Variants in CACNA2D3 observed in about 807,000 individuals in gnomAD.
The protein encoded by CACNA2D3 is calcium voltage-gated channel auxiliary subunit alpha2delta 3, also known as voltage-dependent calcium channel subunit alpha-2/delta-3.
In CACNA2D3, 60 loss-of-function variants were observed where a neutral mutation model predicts 160.6. The ratio of observed to expected loss-of-function variants is 0.37; its 90% confidence interval spans 0.30 to 0.46. The LOEUF is 0.46. Ranked by LOEUF, CACNA2D3 falls within the 20% of genes least tolerant of loss-of-function variation. The pLI, the probability that CACNA2D3 is intolerant of heterozygous loss-of-function variation, is 1.00. For synonymous variants in CACNA2D3, 558 were observed against 492.9 expected (o/e 1.13, Z -1.75); for missense variants, 1,205 against 1,365.0 (o/e 0.88, Z 1.85).
chr3:54,156,628 A>G (rs1390872197), intron 2 of CACNA2D3, among the ~76,000 whole-genome samples: 1 of 152,148 alleles, frequency 6.6e-6, no homozygotes. Flanking sequence ...GGCAGAAGTG[A>G]TGATGTGTGA....
intron 3 of CACNA2D3, among the ~76,000 whole-genome samples, chr3:54,335,608 T>C (rs1382816949): frequency 6.6e-6 from 1 of 152,190 alleles, no homozygotes; most frequent in African/African-American, 2.4e-5. Context: ...TTATGACCTG[T>C]ATCTTGTGCC....
At chr3:54,137,699 A>G (rs986769366) in intron 2 of CACNA2D3, among the ~76,000 whole-genome samples, 2 of 152,160 alleles carry the variant, frequency 1.3e-5, no homozygotes, top group African/African-American at 2.4e-5. Flanking sequence ...GCAGGCTGGT[A>G]TTTTGTACTT....
intron 2 of CACNA2D3, among the ~76,000 whole-genome samples, chr3:54,188,448 CAG>C (rs1168583585): frequency 6.6e-6 from 1 of 152,182 alleles, no homozygotes; most frequent in South Asian, 2.1e-4. Flanking sequence ...GCGTTCTCGG[CAG>C]AGTCTGTGTT....
chr3:54,169,096 G>A (rs542331091), intron 2 of CACNA2D3, among the ~76,000 whole-genome samples: 1 of 152,304 alleles, frequency 6.6e-6, no homozygotes, highest in Admixed American at 6.5e-5. Context: ...CTGCTTGTGA[G>A]CTGTGAGTTA....
At chr3:54,160,356 T>C (rs886712380) in intron 2 of CACNA2D3, among the ~76,000 whole-genome samples, 2 of 152,108 alleles carry the variant, frequency 1.3e-5, no homozygotes, top group African/African-American at 4.8e-5. Context: ...AAAATTTAGC[T>C]GGGTGTGGTG....
intron 12 of CACNA2D3, among the ~76,000 whole-genome samples, chr3:54,755,113 G>A (rs978147916): frequency 6.6e-6 from 1 of 152,178 alleles, no homozygotes; most frequent in African/African-American, 2.4e-5. Context: ...AATACTGTGG[G>A]CAAGGCACAA....
intron 11 of CACNA2D3, among the ~76,000 whole-genome samples, chr3:54,661,814 A>G (rs1436059558): frequency 1.3e-5 from 2 of 151,228 alleles, no homozygotes; most frequent in South Asian, 2.1e-4. Flanking sequence ...GAACAGCCCT[A>G]TGGTTCACAC....
chr3:54,439,220 A>T lies in CACNA2D3; in HGVS notation c.381+52446A>T, dbSNP rs76926170. Among the ~76,000 whole-genome samples the T allele has an allele frequency of 3.4e-3, 510 of 151,020 alleles. 19 individuals carry two copies. In the East Asian group the frequency reaches 0.075, roughly 22 times the overall value. On this transcript the variant is annotated intron_variant, in intron 4 of 37. Coordinates refer to ENST00000474759, the MANE Select transcript of CACNA2D3 (RefSeq NM_018398.3). The stretch of plus-strand genomic sequence containing the variant: ...GAGCCACGTTTGTCCAGCTAATCTC[A>T]TGTCTTATTTTGAAATATTTTGTCT...
intron 35 of CACNA2D3, among the ~76,000 whole-genome samples, chr3:55,049,395 C>T (rs552304606): frequency 1.9e-3 from 266 of 137,460 alleles, no homozygotes; most frequent in Middle Eastern, 0.01. Context: ...TGTTCAGTTT[C>T]CATGTAGTTG....
intron 2 of CACNA2D3, among the ~76,000 whole-genome samples, chr3:54,263,927 AC>A (rs1379465927): frequency 6.6e-6 from 1 of 152,136 alleles, no homozygotes; most frequent in African/African-American, 2.4e-5. Context: ...ACTTTAGATG[AC>A]ATTTGTTAAA....
At chr3:54,723,304 G>C (rs1701209631) in intron 11 of CACNA2D3, among the ~76,000 whole-genome samples, 1 of 114,494 alleles carries the variant, frequency 8.7e-6, no homozygotes, top group Admixed American at 9.8e-5. Flanking sequence ...AGAATTTCAA[G>C]CCAGTGGATC....
At chr3:54,378,551 A>T (rs1385570623) in intron 3 of CACNA2D3, among the ~76,000 whole-genome samples, 1 of 152,208 alleles carries the variant, frequency 6.6e-6, no homozygotes, top group Admixed American at 6.5e-5. Flanking sequence ...GGGAAGTTAA[A>T]GATAGTTCCA....
At chr3:54,284,541 T>C (rs1038817023) in intron 2 of CACNA2D3, among the ~76,000 whole-genome samples, 1 of 152,132 alleles carries the variant, frequency 6.6e-6, no homozygotes, top group Admixed American at 6.6e-5. Context: ...TCAAATTCAA[T>C]CTACTAAAGG....
Position 54,746,115 on chromosome 3 carries a change from T to G in CACNA2D3, c.1168-6484T>G, listed in dbSNP as rs75026372. Among the ~76,000 whole-genome samples the G allele has an allele frequency of 3.2e-3, 491 of 152,330 alleles. 5 individuals carry two copies. Among genetic ancestry groups the G allele is most frequent in the African/African-American group, 0.011 (473 of 41,582 alleles). On this transcript the variant is annotated intron_variant, in intron 11 of 37. Coordinates refer to ENST00000474759, the MANE Select transcript of CACNA2D3 (RefSeq NM_018398.3). The stretch of plus-strand genomic sequence containing the variant: ...AGCCTGCTCAATATAACTGTCTCCT[T>G]TGGAGTCAACCTTCTTTGAGCCCAT...
intron 2 of CACNA2D3, 46 bp from the exon 3 acceptor site, chr3:54,320,396 G>GT: frequency 1.1e-6 from 1 of 942,244 alleles, no homozygotes; most frequent in Non-Finnish European, 1.6e-6. Context: ...CAGCTGTGGT[G>GT]TTTTACGGTG....
At chr3:54,369,426 G>C (rs1698884657) in intron 3 of CACNA2D3, among the ~76,000 whole-genome samples, 1 of 152,184 alleles carries the variant, frequency 6.6e-6, no homozygotes, top group African/African-American at 2.4e-5. Context: ...CGGCGGGCCT[G>C]AGGAACCGGA....
rs941330997 is a variant in CACNA2D3 at position 54,493,371 on chromosome 3, A to C, written c.382-10121A>C. Among the ~76,000 whole-genome samples the C allele has an allele frequency of 6.6e-5, 10 of 152,260 alleles. No homozygotes were observed. The South Asian group carries it at 1.0e-3, about 16-fold the overall frequency. ...GGATTTCAGGCGTGAGCAACCGCGC[A>C]TGGCCTCAAGAACTTTTTAGTGAAA... is the stretch of plus-strand genomic sequence containing the variant. On this transcript the variant is annotated intron_variant, in intron 4 of 37. Transcript: ENST00000474759.
intron 27 of CACNA2D3, among the ~76,000 whole-genome samples, chr3:54,904,732 A>G (rs541908912): frequency 2.0e-5 from 3 of 152,346 alleles, no homozygotes; most frequent in Admixed American, 2.0e-4. Flanking sequence ...TACATGATTC[A>G]AGGAAGACGG....
chr3:54,137,984 G>A (rs376714538), intron 2 of CACNA2D3, among the ~76,000 whole-genome samples: 10 of 152,188 alleles, frequency 6.6e-5, no homozygotes, highest in African/African-American at 2.2e-4. Context: ...AACGATCAGT[G>A]GTGATAGCTA....
Sources: gnomAD v4.1 joint callset for allele counts (sites outside exome capture counted in the v4.1 genomes callset) on GRCh38, gnomAD v4.1.1 for gene constraint, MANE v1.5 for transcripts, NCBI Gene and HGNC (gene_info 2026-07-23, HGNC 2026-07-21) for gene names.